GPHN: variants seen among roughly 807,000 people sequenced by gnomAD.
GPHN encodes gephyrin.
Under a neutral mutation model 95.5 loss-of-function variants are expected in GPHN, and 17 were observed. The ratio of observed to expected loss-of-function variants is 0.18; its 90% CI spans 0.12 to 0.27. GPHN has a LOEUF of 0.27. GPHN is among the 10% of genes least tolerant of loss of function. The pLI is 1.00. For missense variants in GPHN, 660 were observed against 978.1 expected, an observed-to-expected ratio of 0.67 and a Z score of 4.34; for synonymous variants, 320 against 322.5, an observed-to-expected ratio of 0.99 and a Z score of 0.08.
At chr14:66,772,120 A>T (rs2059200146) in intron 2 of GPHN, among the ~76,000 whole-genome samples, 1 of 152,122 alleles carries the variant, frequency 6.6e-6, no homozygotes, top group Non-Finnish European at 1.5e-5. Flanking sequence ...TAGGAAAAAA[A>T]AAAAAAAGAC....
At chr14:67,324,319 G>A in the GPHN span, among the ~76,000 whole-genome samples, 4,676 of 152,114 alleles carry the variant, frequency 0.031, 109 homozygotes, top group Non-Finnish European at 0.044. Context: ...ATTAATAATT[G>A]ACTGATAACA....
the GPHN span, among the ~76,000 whole-genome samples, chr14:67,361,215 T>C: frequency 3.3e-5 from 5 of 152,202 alleles, no homozygotes; most frequent in African/African-American, 1.2e-4. Flanking sequence ...TTTAAATTTT[T>C]ATTAAGCAAA....
chr14:67,469,667 G>A, the GPHN span, among the ~76,000 whole-genome samples: 1 of 151,922 alleles, frequency 6.6e-6, no homozygotes, highest in Non-Finnish European at 1.5e-5. Flanking sequence ...GGTGGTGGTG[G>A]TGGTGGGAGG....
chr14:67,053,872 T>C (rs1216720838), intron 10 of GPHN, among the ~76,000 whole-genome samples: 1 of 152,188 alleles, frequency 6.6e-6, no homozygotes. Flanking sequence ...CGCATGATTA[T>C]CTCAATAGAC....
At chr14:66,625,690 C>G (rs2063501262) in intron 1 of GPHN, among the ~76,000 whole-genome samples, 1 of 152,198 alleles carries the variant, frequency 6.6e-6, no homozygotes, top group African/African-American at 2.4e-5. Context: ...TTGTCAGTCT[C>G]CATCTAATAA....
intron 1 of GPHN, among the ~76,000 whole-genome samples, chr14:66,645,060 T>G (rs2064657439): frequency 2.0e-5 from 3 of 152,242 alleles, no homozygotes; most frequent in African/African-American, 4.8e-5. Flanking sequence ...TGTGTTAGGT[T>G]GTTCTGTAGC....
Position 66,922,993 on chromosome 14 carries a change from G to T in GPHN, c.729+55G>T. 6 of 1,460,214 alleles carry T rather than the reference G, an allele frequency of 4.1e-6. No individual in the cohort carries two copies. The South Asian group carries it at 6.8e-5, about 17-fold the overall frequency. The allele number at this position is 1,460,214 out of a possible 1,614,324, so 90.5% of individuals were successfully genotyped here. On this transcript the variant is annotated intron_variant, in intron 7 of 22. Transcript: ENST00000478722. ...TAAAGGACCCACAGGTAAATGTACTGGTTTCATCTGTTTTGCATCGCATCC... is the reference window on the plus strand; with the variant it reads ...TAAAGGACCCACAGGTAAATGTACTTGTTTCATCTGTTTTGCATCGCATCC...
chr14:67,553,280 T>C, the GPHN span, among the ~76,000 whole-genome samples: 2 of 152,238 alleles, frequency 1.3e-5, no homozygotes, highest in Non-Finnish European at 1.5e-5. Context: ...AGGAAACTTA[T>C]TGAGGGACCA....
intron 11 of GPHN, among the ~76,000 whole-genome samples, chr14:67,071,163 G>C (rs1402011296): frequency 1.3e-5 from 2 of 152,124 alleles, no homozygotes; most frequent in Non-Finnish European, 2.9e-5. Context: ...AAATGATGCT[G>C]CTATAAAGAC....
chr14:66,834,692 T>A (rs1452076552), intron 4 of GPHN, among the ~76,000 whole-genome samples: 62 of 152,026 alleles, frequency 4.1e-4, no homozygotes, highest in Non-Finnish European at 5.3e-4. Context: ...TCAATGTTCA[T>A]CAAGGGTATT....
At chr14:67,437,322 G>A in the GPHN span, among the ~76,000 whole-genome samples, 2 of 152,170 alleles carry the variant, frequency 1.3e-5, no homozygotes, top group Non-Finnish European at 2.9e-5. Context: ...TAGTGAGTAC[G>A]CAGAAGGAAA....
At chr14:67,169,962 C>T (rs1374313464) in intron 21 of GPHN, among the ~76,000 whole-genome samples, 4 of 152,072 alleles carry the variant, frequency 2.6e-5, no homozygotes, top group Non-Finnish European at 5.9e-5. Context: ...CCTGTAATCC[C>T]GGCTATTCAG....
the GPHN span, among the ~76,000 whole-genome samples, chr14:67,520,844 C>G: frequency 6.6e-6 from 1 of 152,210 alleles, no homozygotes; most frequent in Non-Finnish European, 1.5e-5. Context: ...AGCACAATTC[C>G]TGGATTGTGT....
At chr14:67,404,526 C>T in the GPHN span, among the ~76,000 whole-genome samples, 3 of 151,946 alleles carry the variant, frequency 2.0e-5, no homozygotes, top group Non-Finnish European at 2.9e-5. Context: ...TTTAAAATTT[C>T]GAGTTGGGTG....
the GPHN span, chr14:67,678,413 CAT>C: frequency 1.9e-6 from 3 of 1,612,110 alleles, no homozygotes; most frequent in African/African-American, 2.7e-5. Flanking sequence ...ACCCATGCCA[CAT>C]GACAGTCACT....
At chr14:66,565,866 T>C (rs2060442143) in intron 1 of GPHN, among the ~76,000 whole-genome samples, 1 of 152,102 alleles carries the variant, frequency 6.6e-6, no homozygotes. Context: ...TTAAAATAGG[T>C]AAGTATGTAC....
intron 1 of GPHN, among the ~76,000 whole-genome samples, chr14:66,593,724 A>G (rs1330919756): frequency 1.3e-5 from 2 of 152,216 alleles, no homozygotes; most frequent in Non-Finnish European, 2.9e-5. Flanking sequence ...TATTATGCTC[A>G]GCACTGAAAA....
chr14:66,529,760 A>G (rs921306341), intron 1 of GPHN, among the ~76,000 whole-genome samples: 7 of 152,006 alleles, frequency 4.6e-5, no homozygotes, highest in African/African-American at 1.7e-4. Context: ...CTGGAGGTCC[A>G]CTCCAGACCC....
At chr14:67,277,572 A>G in the GPHN span, among the ~76,000 whole-genome samples, 4 of 152,056 alleles carry the variant, frequency 2.6e-5, no homozygotes, top group African/African-American at 9.6e-5. Flanking sequence ...TAGTAGGTTT[A>G]TTACTGTAAA....
Sources: allele counts gnomAD v4.1 joint callset (sites outside exome capture counted in the v4.1 genomes callset), GRCh38; gene constraint gnomAD v4.1.1; transcripts MANE v1.5; gene names NCBI Gene and HGNC (gene_info 2026-07-23, HGNC 2026-07-21).